Variants in MAPK10 observed in about 807,000 individuals in gnomAD.
The protein encoded by MAPK10 is JNK3 alpha protein kinase.
In MAPK10, 25 loss-of-function variants were observed where a neutral mutation model predicts 59.3. The ratio of observed to expected loss-of-function variants is 0.42; its 90% confidence interval spans 0.31 to 0.59. The LOEUF is 0.59. MAPK10 is among the 20% of genes least tolerant of loss of function. The pLI is 0.15. For synonymous variants in MAPK10, 190 were observed against 200.5 expected, an observed-to-expected ratio of 0.95 and a Z score of 0.44; for missense variants, 351 against 568.9, an observed-to-expected ratio of 0.62 and a Z score of 3.90.
intron 1 of MAPK10, among the ~76,000 whole-genome samples, chr4:86,443,026 A>C (rs1293711959): frequency 6.6e-6 from 1 of 152,192 alleles, no homozygotes; most frequent in Non-Finnish European, 1.5e-5. Flanking sequence ...AGACAGGGAC[A>C]CTGAGAACCA....
intron 2 of MAPK10, among the ~76,000 whole-genome samples, chr4:86,286,701 G>A (rs1010627613): frequency 6.6e-6 from 1 of 152,164 alleles, no homozygotes; most frequent in African/African-American, 2.4e-5. Context: ...TCACAAGACT[G>A]TGCAAAATGA....
intron 2 of MAPK10, among the ~76,000 whole-genome samples, chr4:86,199,050 G>C (rs1293530193): frequency 1.3e-5 from 2 of 151,996 alleles, no homozygotes; most frequent in African/African-American, 2.4e-5. Context: ...TATTTGGAAG[G>C]AGGTTGATTT....
At chr4:86,257,401 C>T (rs553025365) in intron 2 of MAPK10, among the ~76,000 whole-genome samples, 147 of 152,276 alleles carry the variant, frequency 9.7e-4, no homozygotes, top group Non-Finnish European at 1.2e-3. Flanking sequence ...ACAGTGAATT[C>T]CCTAGGCAGT....
intron 9 of MAPK10, among the ~76,000 whole-genome samples, chr4:86,077,982 T>C (rs984132338): frequency 1.1e-4 from 16 of 152,158 alleles, no homozygotes; most frequent in Admixed American, 9.8e-4. Flanking sequence ...TAAGCATCAT[T>C]ATATTAAACT....
At chr4:86,546,247 C>G (rs1458977965) in intron 1 of MAPK10, among the ~76,000 whole-genome samples, 1 of 147,746 alleles carries the variant, frequency 6.8e-6, no homozygotes, top group African/African-American at 2.5e-5. Flanking sequence ...TAAAAAATTA[C>G]TAAGAATTTC....
chr4:86,531,257 A>G (rs949815248), intron 1 of MAPK10, among the ~76,000 whole-genome samples: 4 of 152,214 alleles, frequency 2.6e-5, no homozygotes, highest in Admixed American at 6.5e-5. Flanking sequence ...AAAGTAATTG[A>G]TTCTATCTGA....
At chr4:86,299,888 T>C (rs775264033) in intron 2 of MAPK10, among the ~76,000 whole-genome samples, 15 of 152,036 alleles carry the variant, frequency 9.9e-5, no homozygotes, top group Non-Finnish European at 2.1e-4. Context: ...CCTTTCTTAT[T>C]TTTTTTCTTT....
chr4:86,360,876 T>C (rs1376093534), upstream of MAPK10, among the ~76,000 whole-genome samples: 4 of 152,186 alleles, frequency 2.6e-5, no homozygotes, highest in Non-Finnish European at 4.4e-5. Context: ...AAAAAAAAAT[T>C]AGGTTTACCA....
intron 2 of MAPK10, among the ~76,000 whole-genome samples, chr4:86,278,991 T>C (rs911821829): frequency 7.2e-5 from 11 of 152,166 alleles, no homozygotes; most frequent in Non-Finnish European, 1.6e-4. Flanking sequence ...TGGGGAAATA[T>C]GTTAAAGTTC....
At chr4:86,196,945 C>T (rs2149321841) in intron 2 of MAPK10, among the ~76,000 whole-genome samples, 1 of 152,268 alleles carries the variant, frequency 6.6e-6, no homozygotes, top group African/African-American at 2.4e-5. Context: ...CAGCACCATG[C>T]TGTTTTGGTT....
At chr4:86,458,299 CAA>C (rs151181834) in intron 1 of MAPK10, among the ~76,000 whole-genome samples, 2 of 118,108 alleles carry the variant, frequency 1.7e-5, no homozygotes. Context: ...GACTCTGTCT[CAA>C]AAAAAAAAAA....
At chr4:86,467,552 G>T (rs1008762112) in intron 1 of MAPK10, among the ~76,000 whole-genome samples, 1 of 151,750 alleles carries the variant, frequency 6.6e-6, no homozygotes, top group Non-Finnish European at 1.5e-5. Context: ...ACGGAGTTTC[G>T]CTCTGTCACC....
chr4:86,479,642 T>C (rs1202682412), intron 1 of MAPK10, among the ~76,000 whole-genome samples: 1 of 152,050 alleles, frequency 6.6e-6, no homozygotes, highest in African/African-American at 2.4e-5. Context: ...AAACCGCCAC[T>C]CTTAACTCCC....
rs560769811 is a variant in MAPK10, at chr4:86,231,662, AAAAAAAG to A, written c.-6-37262_-6-37256del. Among the ~76,000 whole-genome samples the A allele has an allele frequency of 3.1e-3, 467 of 152,210 alleles. 4 individuals are homozygous for A. The highest frequency in any genetic ancestry group is 0.027 in the Middle Eastern group (8 of 294). On this transcript the variant is annotated intron_variant, in intron 2 of 13. Coordinates refer to ENST00000641462, the MANE Select transcript of MAPK10 (RefSeq NM_138982.4). Reference sequence around the variant, plus strand: ...TGGTGACAGAGCGAGACTCTGTCTCAAAAAAAGAAAAAAGAAAAAAGAAAAAAAAGTA... The same window carrying A: ...TGGTGACAGAGCGAGACTCTGTCTCAAAAAAAGAAAAAAGAAAAAAAAGTA...
intron 13 of MAPK10, 55 bp downstream of exon 13, chr4:86,029,142 A>G: frequency 8.3e-7 from 1 of 1,206,888 alleles, no homozygotes; most frequent in Non-Finnish European, 1.2e-6. Flanking sequence ...CCCTACACAA[A>G]GGCCAAGAAA....
chr4:86,207,809 A>C (rs1272874396), intron 2 of MAPK10, among the ~76,000 whole-genome samples: 1 of 152,114 alleles, frequency 6.6e-6, no homozygotes, highest in Non-Finnish European at 1.5e-5. Context: ...CTTTGAAGCA[A>C]TTGTGAATGG....
chr4:86,246,032 CAT>C (rs762764153), intron 2 of MAPK10, among the ~76,000 whole-genome samples: 6 of 152,204 alleles, frequency 3.9e-5, no homozygotes, highest in East Asian at 1.9e-4. Context: ...CAGTTAATCA[CAT>C]GTTTTTCTAT....
At chr4:86,295,909 C>T (rs147730351) in intron 2 of MAPK10, among the ~76,000 whole-genome samples, 8,833 of 151,458 alleles carry the variant, frequency 0.058, 386 homozygotes, top group Non-Finnish European at 0.092. Context: ...GGCACAGTGG[C>T]TCATGCCTGT....
chr4:86,468,014 C>T (rs1469705336), intron 1 of MAPK10, among the ~76,000 whole-genome samples: 1 of 152,208 alleles, frequency 6.6e-6, no homozygotes, highest in Non-Finnish European at 1.5e-5. Context: ...ACTGCTTGCC[C>T]CGCCGGTCGG....
Sources: allele counts gnomAD v4.1 joint callset (sites outside exome capture counted in the v4.1 genomes callset), GRCh38; gene constraint gnomAD v4.1.1; transcripts MANE v1.5; gene names NCBI Gene and HGNC (gene_info 2026-07-23, HGNC 2026-07-21).